The following RNF152 variants were observed in gnomAD, a reference collection of about 807,000 sequenced individuals.
RNF152 encodes E3 ubiquitin-protein ligase RNF152.
In RNF152, 11 loss-of-function variants were observed where a neutral mutation model predicts 12.7. The observed-to-expected ratio is 0.86, with a 90% CI of 0.54 to 1.43. RNF152 has a LOEUF of 1.43. Among genes scored for constraint, RNF152 ranks in the 40% most tolerant of loss-of-function variants. The probability of loss-of-function intolerance (pLI) is 0.00; values close to 1 mark genes in which losing one functional copy is unlikely to be tolerated. For synonymous variants in RNF152, 113 were observed against 120.3 expected (o/e 0.94, Z 0.40); for missense variants, 255 against 274.8 (o/e 0.93, Z 0.51).
At chr18:61,879,197 A>T (rs140607697) in intron 1 of RNF152, among the ~76,000 whole-genome samples, 17 of 152,318 alleles carry the variant, frequency 1.1e-4, no homozygotes, top group African/African-American at 3.8e-4. Flanking sequence ...ATGTGCACAG[A>T]CTTCTTCATT....
intron 1 of RNF152, among the ~76,000 whole-genome samples, chr18:61,859,081 G>A (rs1248273975): frequency 2.0e-5 from 3 of 152,258 alleles, no homozygotes; most frequent in African/African-American, 7.2e-5. Flanking sequence ...CTGTATTATA[G>A]ACGAGGGCTG....
At position 61,809,393 on chromosome 18, in the gene RNF152, T is replaced by C. The variant is rs540520854; in HGVS notation, c.*6459A>G. The stretch of plus-strand genomic sequence containing the variant: ...TTAAGAGGCATTTGTCATCTCTATT[T>C]CCTTCTGCTTACAGCCCATGCTCTT... On this transcript the variant is annotated 3_prime_UTR_variant, in exon 2 of 2. Coordinates refer to ENST00000312828, the MANE Select transcript of RNF152 (RefSeq NM_173557.3). 1 of 152,306 alleles carries C rather than the reference T, an allele frequency of 6.6e-6. No individual in the cohort carries two copies. The highest frequency in any genetic ancestry group is 1.5e-5 in the Non-Finnish European group (1 of 68,032). 9.4% of individuals were successfully genotyped at this position (152,306 alleles called of 1,614,324 possible). A position where few individuals can be genotyped will look rare whatever the true frequency, so the allele number is the denominator to read the frequency against.
At chr18:61,891,052 C>T (rs935579572) in intron 1 of RNF152, among the ~76,000 whole-genome samples, 3 of 152,050 alleles carry the variant, frequency 2.0e-5, no homozygotes, top group Non-Finnish European at 4.4e-5. Context: ...TTTGTGTCTC[C>T]CCCTACACCC....
chr18:61,840,664 A>G (rs1910411079), intron 1 of RNF152, among the ~76,000 whole-genome samples: 1 of 152,136 alleles, frequency 6.6e-6, no homozygotes, highest in South Asian at 2.1e-4. Flanking sequence ...CCCAGAACCC[A>G]GCTTCTAGAA....
At chr18:61,889,275 C>G (rs766631403) in intron 1 of RNF152, among the ~76,000 whole-genome samples, 4 of 152,178 alleles carry the variant, frequency 2.6e-5, no homozygotes, top group Non-Finnish European at 4.4e-5. Context: ...ATTTGGAGAG[C>G]TATCTTTATA....
Position 61,816,156 on chromosome 18 carries a change from G to A in RNF152, c.308C>T (p.Pro103Leu), listed in dbSNP as rs1909072819. The A allele has an allele frequency of 6.2e-7, 1 of 1,614,210 alleles. No individual in the cohort carries two copies. The highest frequency in any genetic ancestry group is 8.5e-7 in the Non-Finnish European group (1 of 1,180,028). ...KLPSNGCYML[P>L]LPISKERALL... Reference sequence around the variant, plus strand: ...CGCACGCTCCTTGGAGATGGGCAGGGGCAGCATGTAGCACCCATTGCTGGG... The same window carrying A: ...CGCACGCTCCTTGGAGATGGGCAGGAGCAGCATGTAGCACCCATTGCTGGG... Residue 103 changes from proline to leucine, a missense_variant, in exon 2 of 2, where the codon CCC becomes CTC. Coordinates refer to ENST00000312828, the MANE Select transcript of RNF152 (RefSeq NM_173557.3).
At chr18:61,870,836 C>T (rs1197820346) in intron 1 of RNF152, among the ~76,000 whole-genome samples, 1 of 152,142 alleles carries the variant, frequency 6.6e-6, no homozygotes, top group Non-Finnish European at 1.5e-5. Flanking sequence ...TCCTTCTCAA[C>T]CTCTGATGCC....
chr18:61,891,055 C>T (rs999495442), intron 1 of RNF152, among the ~76,000 whole-genome samples: 1 of 152,168 alleles, frequency 6.6e-6, no homozygotes, highest in African/African-American at 2.4e-5. Context: ...GTGTCTCCCC[C>T]TACACCCAAC....
chr18:61,844,853 G>T (rs920121400), intron 1 of RNF152, among the ~76,000 whole-genome samples: 2 of 151,250 alleles, frequency 1.3e-5, no homozygotes, highest in African/African-American at 2.4e-5. Flanking sequence ...TTAGATATTC[G>T]CAATGGCCTT....
intron 1 of RNF152, among the ~76,000 whole-genome samples, chr18:61,837,935 A>G (rs1910262478): frequency 6.6e-6 from 1 of 152,162 alleles, no homozygotes; most frequent in African/African-American, 2.4e-5. Context: ...TCCAGGCCTC[A>G]TCTCCTGCCC....
chr18:61,815,807 C>T lies in RNF152; in HGVS notation c.*45G>A, dbSNP rs1375987300. The T allele has an allele frequency of 2.5e-6, 4 of 1,589,894 alleles. No homozygotes were observed. The South Asian group carries it at 4.6e-5, about 18-fold the overall frequency. On this transcript the variant is annotated 3_prime_UTR_variant, in exon 2 of 2. Coordinates refer to ENST00000312828, the MANE Select transcript of RNF152 (RefSeq NM_173557.3). Reference sequence around the variant, plus strand: ...ACTGGGATCTCATCATCAACCTGCTCAACCCCTAAGTTGGCACCCACAAGA... The same window carrying T: ...ACTGGGATCTCATCATCAACCTGCTTAACCCCTAAGTTGGCACCCACAAGA...
chr18:61,861,948 C>T (rs925414764), intron 1 of RNF152, among the ~76,000 whole-genome samples: 2 of 152,168 alleles, frequency 1.3e-5, no homozygotes, highest in Non-Finnish European at 2.9e-5. Context: ...TAAATTTCAA[C>T]ATGAGATTTG....
intron 1 of RNF152, among the ~76,000 whole-genome samples, chr18:61,847,961 C>T (rs186859025): frequency 2.6e-5 from 4 of 152,294 alleles, no homozygotes; most frequent in African/African-American, 4.8e-5. Flanking sequence ...ACCACACTCA[C>T]GCTTCCCTTC....
intron 1 of RNF152, among the ~76,000 whole-genome samples, chr18:61,878,892 T>C (rs1217747972): frequency 6.6e-6 from 1 of 152,150 alleles, no homozygotes; most frequent in Middle Eastern, 3.2e-3. Context: ...GAGGGACACA[T>C]ACATTCAAAT....
At chr18:61,866,961 G>A (rs575462500) in intron 1 of RNF152, among the ~76,000 whole-genome samples, 1 of 152,358 alleles carries the variant, frequency 6.6e-6, no homozygotes, top group East Asian at 1.9e-4. Flanking sequence ...ATAAGCTGGG[G>A]TGGAGGGATG....
Position 61,815,712 on chromosome 18 carries a change from G to A in RNF152, c.*140C>T. ...ACCTTCTGCCCTTTGTGTCTGTCTT[G>A]GGGTAATCAAGAGGCAACCCAGAGG... On this transcript the variant is annotated 3_prime_UTR_variant, in exon 2 of 2. Coordinates refer to ENST00000312828, the MANE Select transcript of RNF152 (RefSeq NM_173557.3). 2.4e-6 allele frequency: 2 copies of A among 842,314 alleles called. No individual in the cohort carries two copies. Among genetic ancestry groups the A allele is most frequent in the Admixed American group, 2.4e-5 (1 of 42,032 alleles). 52.2% of individuals were successfully genotyped at this position (842,314 alleles called of 1,614,324 possible).
chr18:61,867,331 A>G (rs1911779495), intron 1 of RNF152, among the ~76,000 whole-genome samples: 1 of 152,110 alleles, frequency 6.6e-6, no homozygotes, highest in Admixed American at 6.5e-5. Flanking sequence ...ATGCTCCTGT[A>G]GTCTCAGCTA....
intron 1 of RNF152, among the ~76,000 whole-genome samples, chr18:61,824,831 T>A (rs1276602888): frequency 6.6e-6 from 1 of 152,122 alleles, no homozygotes; most frequent in African/African-American, 2.4e-5. Flanking sequence ...AATCACTCAG[T>A]GACAGTCAAG....
intron 1 of RNF152, among the ~76,000 whole-genome samples, chr18:61,858,399 C>T (rs1343834757): frequency 6.6e-6 from 1 of 152,028 alleles, no homozygotes; most frequent in African/African-American, 2.4e-5. Context: ...TCCTGCCAGC[C>T]CTTCCCTCCC....
Sources: allele counts gnomAD v4.1 joint callset (sites outside exome capture counted in the v4.1 genomes callset), GRCh38; gene constraint gnomAD v4.1.1; transcripts MANE v1.5; gene names NCBI Gene and HGNC (gene_info 2026-07-23, HGNC 2026-07-21).